The following PXDNL variants were observed in gnomAD, a reference collection of about 807,000 sequenced individuals.
PXDNL encodes probable oxidoreductase PXDNL.
PXDNL carries 145 observed loss-of-function variants against 150.8 expected under a neutral mutation model. The ratio of observed to expected loss-of-function variants is 0.96; its 90% CI spans 0.84 to 1.10. The LOEUF (loss-of-function observed/expected upper bound fraction) is 1.10, where lower values mean the gene tolerates loss of function less well. Among genes scored for constraint, PXDNL ranks in the 50% least tolerant of loss-of-function variants. The pLI, the probability that PXDNL is intolerant of heterozygous loss-of-function variation, is 0.00. For missense variants in PXDNL, 2,087 were observed against 1,873.9 expected, an observed-to-expected ratio of 1.11 and a Z score of -2.10; for synonymous variants, 757 against 725.7, an observed-to-expected ratio of 1.04 and a Z score of -0.69.
chr8:51,441,482 C>T (rs1809547062), intron 12 of PXDNL, among the ~76,000 whole-genome samples: 1 of 152,100 alleles, frequency 6.6e-6, no homozygotes. Flanking sequence ...TAGAGGTGAA[C>T]AGCAGCAGAG....
chr8:51,414,110 G>T (rs1390999377), intron 14 of PXDNL, among the ~76,000 whole-genome samples: 1 of 151,922 alleles, frequency 6.6e-6, no homozygotes, highest in Non-Finnish European at 1.5e-5. Flanking sequence ...AACTTGAATA[G>T]TAATAGGAAG....
chr8:51,350,354 C>CTTTTTGTTTTTTTTTTTTTTTTT (rs1806308386), intron 19 of PXDNL, among the ~76,000 whole-genome samples: 1 of 77,894 alleles, frequency 1.3e-5, no homozygotes, highest in Non-Finnish European at 2.2e-5. Context: ...AATGCAGCTT[C>CTTTTTGTTTTTTTTTTTTTTTTT]TTTTTTTTTT....
intron 21 of PXDNL, among the ~76,000 whole-genome samples, chr8:51,324,018 T>C (rs1805411309): frequency 6.6e-6 from 1 of 152,148 alleles, no homozygotes; most frequent in South Asian, 2.1e-4. Flanking sequence ...TATTCCAGGC[T>C]TAACTAAAAA....
intron 1 of PXDNL, among the ~76,000 whole-genome samples, chr8:51,761,992 A>G (rs2037170985): frequency 6.6e-6 from 1 of 152,244 alleles, no homozygotes; most frequent in South Asian, 2.1e-4. Context: ...CATGGGAAAT[A>G]AAAGTAAAGC....
At chr8:51,760,880 A>G (rs2037156711) in intron 1 of PXDNL, among the ~76,000 whole-genome samples, 1 of 17,290 alleles carries the variant, frequency 5.8e-5, no homozygotes, top group African/African-American at 1.3e-4. Flanking sequence ...TTTTTTTGAG[A>G]CGGAGTCTCG....
intron 3 of PXDNL, among the ~76,000 whole-genome samples, chr8:51,584,866 C>T (rs570643978): frequency 9.9e-5 from 15 of 152,084 alleles, no homozygotes; most frequent in Non-Finnish European, 1.5e-4. Flanking sequence ...GATGACTAGT[C>T]GCCCTTCAGA....
intron 2 of PXDNL, among the ~76,000 whole-genome samples, chr8:51,627,777 T>G (rs1353800519): frequency 3.3e-5 from 5 of 152,174 alleles, no homozygotes; most frequent in Non-Finnish European, 1.5e-5. Flanking sequence ...TCAAAGGTAG[T>G]CTTGAAATCA....
chr8:51,683,672 T>C (rs992782770), intron 1 of PXDNL, among the ~76,000 whole-genome samples: 1 of 152,150 alleles, frequency 6.6e-6, no homozygotes, highest in Admixed American at 6.5e-5. Flanking sequence ...AGGTGGTTTT[T>C]TCTTGTCTTC....
chr8:51,735,470 G>A (rs1350243555), intron 1 of PXDNL, among the ~76,000 whole-genome samples: 2 of 150,472 alleles, frequency 1.3e-5, no homozygotes, highest in Non-Finnish European at 2.9e-5. Flanking sequence ...GGGCAAGAGA[G>A]CAAGACTGTC....
intron 5 of PXDNL, among the ~76,000 whole-genome samples, chr8:51,486,753 TATATATATATA>T (rs1563433281): frequency 0.014 from 298 of 21,742 alleles, 10 homozygotes; most frequent in East Asian, 0.081. Context: ...AAAAAGTTTA[TATATATATATA>T]TATATATATA....
chr8:51,752,373 T>G (rs2037053909), intron 1 of PXDNL, among the ~76,000 whole-genome samples: 1 of 152,162 alleles, frequency 6.6e-6, no homozygotes, highest in African/African-American at 2.4e-5. Context: ...CTTCATTATC[T>G]TCTCATGCTT....
At chr8:51,618,832 C>T (rs766490394) in intron 2 of PXDNL, among the ~76,000 whole-genome samples, 1 of 152,148 alleles carries the variant, frequency 6.6e-6, no homozygotes, top group Non-Finnish European at 1.5e-5. Flanking sequence ...GAGTGGTGCC[C>T]AGTCTGGATC....
intron 14 of PXDNL, 55 bp from the exon 15 acceptor site, chr8:51,413,313 T>A (rs1349333168): frequency 4.2e-5 from 43 of 1,028,034 alleles, no homozygotes; most frequent in Non-Finnish European, 6.5e-5. Flanking sequence ...AAGTTAGGCA[T>A]GATATTATAT....
rs1809017540 is a variant in PXDNL, at chr8:51,423,715, G to T, written c.1655C>A (p.Thr552Asn). 4 of 1,613,394 alleles carry T rather than the reference G, an allele frequency of 2.5e-6. No homozygotes were observed. The highest frequency in any genetic ancestry group is 1.3e-5 in the African/African-American group (1 of 74,924). Residue 552 changes from threonine (T) to asparagine (N), a missense_variant, in exon 14 of 23, where the codon ACT becomes AAT. Transcript: ENST00000356297. ...ITWNKEGVQI[T>N]ESGKFHVDDE... is the part of the protein sequence containing the mutation. ...ATCCACATGGAATTTACCACTCTCA[G>T]TAATCTGCACACCTTCCTAGGGAGC...
intron 12 of PXDNL, among the ~76,000 whole-genome samples, chr8:51,441,197 G>A (rs1211854051): frequency 6.6e-6 from 1 of 152,164 alleles, no homozygotes; most frequent in Non-Finnish European, 1.5e-5. Flanking sequence ...CTGCCACCGT[G>A]TGAAGAGGTG....
At chr8:51,323,261 G>A (rs1585998093) in intron 21 of PXDNL, among the ~76,000 whole-genome samples, 1 of 152,194 alleles carries the variant, frequency 6.6e-6, no homozygotes, top group Admixed American at 6.5e-5. Context: ...AATTATTTAA[G>A]GGAAATAGTT....
In PXDNL at chr8:51,352,476, T is replaced by C. The variant is rs1229360663; in HGVS notation, c.3902-6529A>G. Among the ~76,000 whole-genome samples, 4 of 152,254 alleles carry C rather than the reference T, an allele frequency of 2.6e-5. No individual in the cohort carries two copies. In the East Asian group the frequency reaches 7.7e-4, roughly 29 times the overall value. The stretch of plus-strand genomic sequence containing the variant: ...AGGGAGGGACCTGGTGGGAGGTGAT[T>C]GGACCATGAGGGTGGTTTCCCCCAT... On this transcript the variant is annotated intron_variant, in intron 19 of 22. Transcript: ENST00000356297.
chr8:51,379,879 C>T (rs1452687233), intron 17 of PXDNL, among the ~76,000 whole-genome samples: 2 of 152,180 alleles, frequency 1.3e-5, no homozygotes, highest in Admixed American at 6.5e-5. Flanking sequence ...AGGGTAGCCA[C>T]TTGGTACCGC....
At position 51,417,506 on chromosome 8, in the gene PXDNL, A is replaced by G. The variant is rs144455279; in HGVS notation, c.1796-4248T>C. Among the ~76,000 whole-genome samples the G allele has an allele frequency of 5.7e-3, 866 of 152,274 alleles. 24 individuals are homozygous for G. The highest frequency in any genetic ancestry group is 0.043 in the Admixed American group (659 of 15,296). On this transcript the variant is annotated intron_variant, in intron 14 of 22. Coordinates refer to ENST00000356297, the MANE Select transcript of PXDNL (RefSeq NM_144651.5). ...ACTGGACCTAGAGATGGGATGCAGA[A>G]ACAAAACAGCTGTGCTCCTCTGTCA...
Sources: gnomAD v4.1 joint callset for allele counts (sites outside exome capture counted in the v4.1 genomes callset) on GRCh38, gnomAD v4.1.1 for gene constraint, MANE v1.5 for transcripts, NCBI Gene and HGNC (gene_info 2026-07-23, HGNC 2026-07-21) for gene names.